ATP2B2: variants seen among roughly 807,000 people sequenced by gnomAD.
ATP2B2 encodes plasma membrane calcium-transporting ATPase 2.
In ATP2B2, 15 loss-of-function variants were observed where a neutral mutation model predicts 120.0. The ratio of observed to expected loss-of-function variants is 0.12; its 90% CI spans 0.08 to 0.19. The LOEUF is 0.19. ATP2B2 is among the 10% of genes least tolerant of loss of function. The pLI is 1.00. For synonymous variants in ATP2B2, 694 were observed against 700.3 expected, an observed-to-expected ratio of 0.99 and a Z score of 0.14; for missense variants, 1,045 against 1,719.8, an observed-to-expected ratio of 0.61 and a Z score of 6.94.
At chr3:10,541,565 G>T (rs111266195) in intron 2 of ATP2B2, among the ~76,000 whole-genome samples, 1 of 152,080 alleles carries the variant, frequency 6.6e-6, no homozygotes, top group African/African-American at 2.4e-5. Context: ...TAAGTGATTG[G>T]ATATTTTCCA....
At chr3:10,675,612 C>T (rs994586529) in intron 1 of ATP2B2, among the ~76,000 whole-genome samples, 1 of 152,120 alleles carries the variant, frequency 6.6e-6, no homozygotes, top group Non-Finnish European at 1.5e-5. Context: ...GCCCAGGGTG[C>T]CTGTGACTTG....
chr3:10,653,201 C>T (rs2070512996), intron 1 of ATP2B2, among the ~76,000 whole-genome samples: 1 of 152,226 alleles, frequency 6.6e-6, no homozygotes, highest in Non-Finnish European at 1.5e-5. Context: ...AGCAGGCCTG[C>T]ACGGCTCCTC....
intron 2 of ATP2B2, among the ~76,000 whole-genome samples, chr3:10,439,435 T>TC (rs35640224): frequency 6.6e-6 from 1 of 152,058 alleles, no homozygotes; most frequent in East Asian, 1.9e-4. Flanking sequence ...GTCACATGCA[T>TC]CCCCTTGGGG....
chr3:10,335,448 G>A (rs540884136), intron 22 of ATP2B2, among the ~76,000 whole-genome samples: 2 of 107,934 alleles, frequency 1.9e-5, no homozygotes, highest in South Asian at 7.5e-4. Context: ...CAGCGTCTAG[G>A]CTGTGAGCTC....
chr3:10,633,989 C>T (rs2125642469), intron 1 of ATP2B2, among the ~76,000 whole-genome samples: 1 of 152,240 alleles, frequency 6.6e-6, no homozygotes, highest in South Asian at 2.1e-4. Flanking sequence ...GAATGCCCCA[C>T]CGCCCAACCC....
intron 2 of ATP2B2, among the ~76,000 whole-genome samples, chr3:10,447,999 C>T (rs906153038): frequency 6.6e-6 from 1 of 152,244 alleles, no homozygotes; most frequent in Non-Finnish European, 1.5e-5. Context: ...CAAAGAGGGA[C>T]ACAGACAGCT....
chr3:10,681,080 CG>C, intron 1 of ATP2B2, among the ~76,000 whole-genome samples: 1 of 152,316 alleles, frequency 6.6e-6, no homozygotes, highest in African/African-American at 2.4e-5. Flanking sequence ...TTTCACTTTC[CG>C]CCATGATCGT....
intron 2 of ATP2B2, among the ~76,000 whole-genome samples, chr3:10,574,604 T>A (rs904141006): frequency 6.6e-6 from 1 of 152,232 alleles, no homozygotes; most frequent in South Asian, 2.1e-4. Context: ...TTTTTCCTTA[T>A]CTCTAATTTA....
At chr3:10,432,832 G>A (rs928469297) in intron 2 of ATP2B2, among the ~76,000 whole-genome samples, 8 of 152,204 alleles carry the variant, frequency 5.3e-5, no homozygotes, top group East Asian at 1.9e-4. Flanking sequence ...TGGCCAGGGC[G>A]TGTATAAGGA....
chr3:10,672,330 C>T (rs988354458), intron 1 of ATP2B2, among the ~76,000 whole-genome samples: 7 of 152,144 alleles, frequency 4.6e-5, no homozygotes, highest in South Asian at 2.1e-4. Flanking sequence ...CAGCTGGGTA[C>T]GGGGCACCCT....
At chr3:10,696,987 T>G (rs552583984) in intron 1 of ATP2B2, among the ~76,000 whole-genome samples, 15 of 152,330 alleles carry the variant, frequency 9.8e-5, no homozygotes, top group Admixed American at 9.1e-4. Context: ...AACATTGAAC[T>G]ATTATCATCA....
chr3:10,609,592 C>G (rs1187317229), intron 2 of ATP2B2, among the ~76,000 whole-genome samples: 3 of 152,204 alleles, frequency 2.0e-5, no homozygotes, highest in Non-Finnish European at 4.4e-5. Context: ...GATCCTCTGA[C>G]AGGTGTGTGC....
At chr3:10,537,697 G>A (rs2067349263) in intron 2 of ATP2B2, among the ~76,000 whole-genome samples, 1 of 152,098 alleles carries the variant, frequency 6.6e-6, no homozygotes, top group Non-Finnish European at 1.5e-5. Context: ...ACTAGCTATA[G>A]CTTTTAGCAC....
At chr3:10,605,852 T>C (rs2069049962) in intron 2 of ATP2B2, among the ~76,000 whole-genome samples, 1 of 152,170 alleles carries the variant, frequency 6.6e-6, no homozygotes, top group Non-Finnish European at 1.5e-5. Flanking sequence ...TTTCGCCATG[T>C]TGGCCAGGCT....
intron 2 of ATP2B2, among the ~76,000 whole-genome samples, chr3:10,413,816 G>A (rs1266538431): frequency 6.6e-6 from 1 of 152,180 alleles, no homozygotes. Flanking sequence ...ATCAGTTCTG[G>A]ATGCCATGGT....
chr3:10,452,123 G>A (rs1409310226), intron 1 of ATP2B2, among the ~76,000 whole-genome samples: 2 of 152,268 alleles, frequency 1.3e-5, no homozygotes, highest in Non-Finnish European at 2.9e-5. Flanking sequence ...CCAAGCGAAT[G>A]AGGTTCAGAG....
intron 2 of ATP2B2, among the ~76,000 whole-genome samples, chr3:10,412,870 T>C (rs974388379): frequency 6.6e-6 from 1 of 152,170 alleles, no homozygotes; most frequent in Non-Finnish European, 1.5e-5. Flanking sequence ...AGTCCTGTCA[T>C]TGACCCAGCA....
At chr3:10,529,867 G>A (rs1228369148) in intron 3 of ATP2B2, among the ~76,000 whole-genome samples, 3 of 152,158 alleles carry the variant, frequency 2.0e-5, no homozygotes, top group African/African-American at 7.2e-5. Context: ...GGGGGAAGAC[G>A]ATGTGAAGGC....
At chr3:10,344,192 G>C (rs2060363545) in intron 18 of ATP2B2, among the ~76,000 whole-genome samples, 1 of 152,048 alleles carries the variant, frequency 6.6e-6, no homozygotes, top group Non-Finnish European at 1.5e-5. Flanking sequence ...AATGCTGCAT[G>C]GCCTCGCCAC....
Sources: gnomAD v4.1 joint callset for allele counts (sites outside exome capture counted in the v4.1 genomes callset) on GRCh38, gnomAD v4.1.1 for gene constraint, MANE v1.5 for transcripts, NCBI Gene and HGNC (gene_info 2026-07-23, HGNC 2026-07-21) for gene names.